Variants in RASGRF2 observed in about 807,000 individuals in gnomAD.
RASGRF2 encodes Ras protein specific guanine nucleotide releasing factor 2, also known as ras-specific guanine nucleotide-releasing factor 2.
Under a neutral mutation model 151.0 loss-of-function variants are expected in RASGRF2, and 76 were observed. That is an observed-to-expected ratio of 0.50 (90% CI 0.42 to 0.61). The LOEUF (loss-of-function observed/expected upper bound fraction) is 0.61. RASGRF2 is among the 20% of genes least tolerant of loss of function. The pLI is 0.00. For missense variants in RASGRF2, 1,148 were observed against 1,564.6 expected, an observed-to-expected ratio of 0.73 and a Z score of 4.49; for synonymous variants, 504 against 566.5, an observed-to-expected ratio of 0.89 and a Z score of 1.57.
intron 18 of RASGRF2, among the ~76,000 whole-genome samples, chr5:81,185,510 G>A (rs1420655565): frequency 6.6e-6 from 1 of 152,124 alleles, no homozygotes; most frequent in Non-Finnish European, 1.5e-5. Context: ...TGACTCACAG[G>A]AGGACAGACA....
rs1389535437 is a variant in RASGRF2 at position 81,134,874 on chromosome 5, G to C, written c.2686+7711G>C. On this transcript the variant is annotated intron_variant, in intron 17 of 26. Transcript: ENST00000265080. The stretch of plus-strand genomic sequence containing the variant: ...TTCATCATTTAAAATATGGAAGGTT[G>C]CCTAGAGTTCTGCATCATGTTAGAA... Among the ~76,000 whole-genome samples, 4 of 152,146 alleles carry C rather than the reference G, an allele frequency of 2.6e-5. No individual in the cohort carries two copies. In the South Asian group the frequency reaches 8.3e-4, roughly 32 times the overall value.
At chr5:81,116,066 CTTTTTTTTTTTTTTTTTT>C (rs575647502) in intron 15 of RASGRF2, among the ~76,000 whole-genome samples, 3 of 49,040 alleles carry the variant, frequency 6.1e-5, no homozygotes, top group African/African-American at 1.3e-4. Flanking sequence ...AATGCCATTT[CTTTTTTTTTTTTTTTTTT>C]TTTTTTTTTT....
At chr5:81,086,106 G>A (rs1191544548) in intron 8 of RASGRF2, among the ~76,000 whole-genome samples, 195 bp downstream of exon 8, 4 of 152,032 alleles carry the variant, frequency 2.6e-5, no homozygotes, top group Admixed American at 2.0e-4. Context: ...AGAAAAATAC[G>A]TATCTTGGAA....
intron 1 of RASGRF2, chr5:80,997,466 C>T (rs1748921502): frequency 6.6e-6 from 1 of 152,290 alleles, no homozygotes; most frequent in South Asian, 2.1e-4. Context: ...CTAACAACAA[C>T]AAAGTGTGAT....
At chr5:81,057,929 G>A (rs1201650875) in intron 2 of RASGRF2, among the ~76,000 whole-genome samples, 1 of 151,980 alleles carries the variant, frequency 6.6e-6, no homozygotes, top group Non-Finnish European at 1.5e-5. Flanking sequence ...CCAGGAGGTC[G>A]AGGCTGCAGT....
chr5:81,055,696 G>C (rs1344369975), intron 2 of RASGRF2, among the ~76,000 whole-genome samples: 1 of 152,176 alleles, frequency 6.6e-6, no homozygotes, highest in East Asian at 1.9e-4. Flanking sequence ...AATAGTTTCA[G>C]AAGGAATGGT....
At chr5:81,142,279 C>A (rs1208866484) in intron 17 of RASGRF2, among the ~76,000 whole-genome samples, 1 of 152,090 alleles carries the variant, frequency 6.6e-6, no homozygotes, top group Non-Finnish European at 1.5e-5. Flanking sequence ...CAGAGGCAAG[C>A]AGTCCAGAAG....
At chr5:81,078,405 T>C (rs1297011776) in intron 5 of RASGRF2, among the ~76,000 whole-genome samples, 1 of 152,194 alleles carries the variant, frequency 6.6e-6, no homozygotes, top group Non-Finnish European at 1.5e-5. Context: ...CCTTCCCCAC[T>C]ACCCTTCCTA....
intron 1 of RASGRF2, among the ~76,000 whole-genome samples, chr5:80,993,857 G>A (rs994917971): frequency 2.0e-5 from 3 of 152,162 alleles, no homozygotes; most frequent in Admixed American, 1.3e-4. Flanking sequence ...GCCGCTGTGG[G>A]TCAAACCCAG....
At chr5:81,167,858 G>A (rs1754548939) in intron 17 of RASGRF2, among the ~76,000 whole-genome samples, 1 of 152,178 alleles carries the variant, frequency 6.6e-6, no homozygotes. Context: ...GAGACTCTTA[G>A]GGTGGTGCTG....
rs143458792 is a variant in RASGRF2 at position 81,186,688 on chromosome 5, G to A, written c.2793+6407G>A. Among the ~76,000 whole-genome samples, 181 of 152,242 alleles carry A rather than the reference G, an allele frequency of 1.2e-3. 2 individuals are homozygous for A. The highest frequency in any genetic ancestry group is 4.1e-3 in the African/African-American group (170 of 41,542). Reference sequence around the variant, plus strand: ...TCTGAGGTAGAAGACAGGAATTAGCGGATCTCACAACCACACTCTAGTCAC... The same window carrying A: ...TCTGAGGTAGAAGACAGGAATTAGCAGATCTCACAACCACACTCTAGTCAC... On this transcript the variant is annotated intron_variant, in intron 18 of 26. Coordinates refer to ENST00000265080, the MANE Select transcript of RASGRF2 (RefSeq NM_006909.3).
rs760640943 is a variant in RASGRF2 at position 81,207,330 on chromosome 5, T to C, written c.3052T>C (p.Phe1018Leu). The change falls in exon 21 of 27, where the codon TTC (phenylalanine) becomes CTC (leucine). Residue 1018 changes from phenylalanine (F) to leucine (L), a missense_variant. This residue lies in a region of RASGRF2 where 646 missense variants were observed against 807.4 expected (regional missense o/e 0.80). Coordinates refer to ENST00000265080, the MANE Select transcript of RASGRF2 (RefSeq NM_006909.3). The part of the protein sequence containing the change: ...EQITLLDHVI[F>L]RSIPYEEFLG... ...GATCACCCTCCTGGACCATGTCATTTTCAGAAGCATTCCCTACGAGTGAGT... is the reference window on the plus strand; with the variant it reads ...GATCACCCTCCTGGACCATGTCATTCTCAGAAGCATTCCCTACGAGTGAGT... 3 of 1,614,120 alleles carry C rather than the reference T, an allele frequency of 1.9e-6. No homozygotes were observed. The highest frequency in any genetic ancestry group is 1.1e-5 in the South Asian group (1 of 91,076).
In RASGRF2 at chr5:81,003,330, G is replaced by C. The variant is rs62367371; in HGVS notation, c.289-39547G>C. Among the ~76,000 whole-genome samples, 320 of 146,668 alleles carry C rather than the reference G, an allele frequency of 2.2e-3. 1 individual carries two copies. The highest frequency in any genetic ancestry group is 8.8e-3 in the South Asian group (41 of 4,638). Reference sequence around the variant, plus strand: ...CTCCGCCTCCCGGGTTCACGCCATTGTCCTGCCTCAGCCTCCTGAGTAGCT... The same window carrying C: ...CTCCGCCTCCCGGGTTCACGCCATTCTCCTGCCTCAGCCTCCTGAGTAGCT... On this transcript the variant is annotated intron_variant, in intron 1 of 26. Transcript: ENST00000265080.
intron 17 of RASGRF2, among the ~76,000 whole-genome samples, chr5:81,131,371 G>T (rs1166093637): frequency 6.6e-6 from 1 of 151,948 alleles, no homozygotes; most frequent in Non-Finnish European, 1.5e-5. Flanking sequence ...TGGGGGGTCG[G>T]GGGAACAAAG....
chr5:81,222,980 C>A (rs56206535), intron 26 of RASGRF2, among the ~76,000 whole-genome samples: 14,073 of 152,100 alleles, frequency 0.093, 689 homozygotes, highest in Middle Eastern at 0.2. Flanking sequence ...TGGCAATAAG[C>A]AATTCAAATG....
At chr5:81,008,694 C>T (rs1561551671) in intron 1 of RASGRF2, among the ~76,000 whole-genome samples, 1 of 152,100 alleles carries the variant, frequency 6.6e-6, no homozygotes, top group Non-Finnish European at 1.5e-5. Flanking sequence ...CTTCTTCCCT[C>T]CCTCCTTCCT....
chr5:81,129,917 G>A (rs1289874074), intron 17 of RASGRF2, among the ~76,000 whole-genome samples: 1 of 152,178 alleles, frequency 6.6e-6, no homozygotes, highest in African/African-American at 2.4e-5. Flanking sequence ...CTGGAGGGTA[G>A]GGAGAGGTCC....
chr5:81,085,771 C>G (rs1205054362), intron 7 of RASGRF2, 31 bp from the exon 8 acceptor site: 1 of 1,613,484 alleles, frequency 6.2e-7, no homozygotes, highest in African/African-American at 1.3e-5. Flanking sequence ...ATCCTGATGT[C>G]TTGCTCATAC....
At chr5:80,996,053 A>G (rs1580180588) in intron 1 of RASGRF2, among the ~76,000 whole-genome samples, 1 of 148,444 alleles carries the variant, frequency 6.7e-6, no homozygotes, top group African/African-American at 2.5e-5. Context: ...TACCCCCTCC[A>G]CTCTTCCACC....
Sources: gnomAD v4.1 joint callset for allele counts (sites outside exome capture counted in the v4.1 genomes callset) on GRCh38, gnomAD v4.1.1 for gene constraint, gnomAD v4.1.1 regional missense constraint, MANE v1.5 for transcripts, NCBI Gene and HGNC (gene_info 2026-07-23, HGNC 2026-07-21) for gene names.